Variants in ANKRD45 observed in about 807,000 individuals in gnomAD.
ANKRD45 encodes ankyrin repeat domain-containing protein 45.
Under a neutral mutation model 28.1 loss-of-function variants are expected in ANKRD45, and 21 were observed. The observed-to-expected ratio is 0.75, with a 90% CI of 0.53 to 1.08. The LOEUF is 1.08. Ranked by LOEUF, ANKRD45 falls within the 50% of genes least tolerant of loss-of-function variation. ANKRD45 has a pLI of 0.00. For missense variants in ANKRD45, 261 were observed against 308.7 expected (o/e 0.85, Z 1.16); for synonymous variants, 86 against 103.9 (o/e 0.83, Z 1.05).
chr1:173,673,613 G>A (rs1558153839), upstream of ANKRD45, among the ~76,000 whole-genome samples: 2 of 151,982 alleles, frequency 1.3e-5, no homozygotes, highest in Non-Finnish European at 2.9e-5. Flanking sequence ...AACTCTATAA[G>A]TTGCTATAAG....
At chr1:173,643,163 G>A (rs1437731882) in intron 3 of ANKRD45, among the ~76,000 whole-genome samples, 3 of 148,486 alleles carry the variant, frequency 2.0e-5, no homozygotes, top group African/African-American at 5.1e-5. Context: ...TGTCTTATTT[G>A]CCTGAGAATT....
intron 5 of ANKRD45, among the ~76,000 whole-genome samples, chr1:173,615,299 C>G (rs866123333): frequency 6.6e-6 from 1 of 150,416 alleles, no homozygotes; most frequent in Non-Finnish European, 1.5e-5. Flanking sequence ...GCAGGAGAAT[C>G]GCTTGAACCA....
the ANKRD45 span, among the ~76,000 whole-genome samples, chr1:173,713,633 G>C: frequency 1.6e-4 from 23 of 145,102 alleles, no homozygotes. Context: ...TAAGTTTTTT[G>C]CATGTTTGAC....
chr1:173,667,149 TA>T (rs1670060219), intron 1 of ANKRD45, among the ~76,000 whole-genome samples: 4 of 152,304 alleles, frequency 2.6e-5, no homozygotes, highest in South Asian at 4.1e-4. Context: ...AGTGGGCTTT[TA>T]AAAATATTAC....
At chr1:173,694,949 T>C in the ANKRD45 span, among the ~76,000 whole-genome samples, 1 of 152,214 alleles carries the variant, frequency 6.6e-6, no homozygotes, top group Non-Finnish European at 1.5e-5. Flanking sequence ...TAACTGAACA[T>C]CTGAATTTAA....
the ANKRD45 span, among the ~76,000 whole-genome samples, chr1:173,698,347 C>T: frequency 0.17 from 25,889 of 152,112 alleles, 2,384 homozygotes; most frequent in Middle Eastern, 0.32. Flanking sequence ...GAACTCTCCA[C>T]CCCAAATCAA....
At chr1:173,654,264 C>A (rs1283410701) in intron 2 of ANKRD45, among the ~76,000 whole-genome samples, 1 of 152,068 alleles carries the variant, frequency 6.6e-6, no homozygotes, top group Non-Finnish European at 1.5e-5. Context: ...TTAGTGCTTC[C>A]TTCAGGAGCT....
intron 1 of ANKRD45, 27 bp from the exon 2 acceptor site, chr1:173,659,460 T>C: frequency 2.0e-6 from 3 of 1,491,318 alleles, no homozygotes; most frequent in East Asian, 2.3e-5. Context: ...AAAAAAGTGA[T>C]AAAAATCTAC....
At position 173,662,298 on chromosome 1, in the gene ANKRD45, T is replaced by C. The variant is rs745471340; in HGVS notation, c.-15-2865A>G. 3.9e-5 allele frequency among the ~76,000 whole-genome samples: 6 copies of C among 152,160 alleles called. No individual in the cohort carries two copies. The East Asian group carries it at 7.7e-4, about 20-fold the overall frequency. ...GCTATGGTGAAGTAAAGAAAATAAA[T>C]AGGATAATAGTCGAAAGATCATTGT... On this transcript the variant is annotated intron_variant, in intron 1 of 5. Coordinates refer to ENST00000333279, the MANE Select transcript of ANKRD45 (RefSeq NM_198493.3).
At chr1:173,666,887 G>T (rs1670046058) in intron 1 of ANKRD45, among the ~76,000 whole-genome samples, 1 of 152,112 alleles carries the variant, frequency 6.6e-6, no homozygotes, top group South Asian at 2.1e-4. Context: ...GAGTAGCTGT[G>T]ACTATAGATG....
intron 3 of ANKRD45, among the ~76,000 whole-genome samples, chr1:173,630,006 ATG>A (rs1372048252): frequency 2.0e-5 from 3 of 152,210 alleles, no homozygotes; most frequent in African/African-American, 7.2e-5. Context: ...AGAGAGTGGC[ATG>A]ACATATTTAA....
intron 1 of ANKRD45, among the ~76,000 whole-genome samples, chr1:173,665,472 T>C (rs1669978755): frequency 6.6e-6 from 1 of 152,216 alleles, no homozygotes; most frequent in Non-Finnish European, 1.5e-5. Context: ...GATCCCAGGT[T>C]AATTCAAAGA....
At chr1:173,693,808 T>C in the ANKRD45 span, among the ~76,000 whole-genome samples, 1 of 152,250 alleles carries the variant, frequency 6.6e-6, no homozygotes, top group Non-Finnish European at 1.5e-5. Context: ...TGATTTCTTC[T>C]GATTACTGGT....
chr1:173,677,169 T>C, the ANKRD45 span, among the ~76,000 whole-genome samples: 5 of 151,490 alleles, frequency 3.3e-5, no homozygotes, highest in South Asian at 1.0e-3. Context: ...ACCAAAGTGA[T>C]AACTGAAGGA....
chr1:173,654,615 C>G (rs1023312904), intron 2 of ANKRD45, among the ~76,000 whole-genome samples: 3 of 152,160 alleles, frequency 2.0e-5, no homozygotes, highest in African/African-American at 4.8e-5. Flanking sequence ...GTGGTGTTCT[C>G]TGAATTTCCT....
chr1:173,696,932 GA>G, the ANKRD45 span, among the ~76,000 whole-genome samples: 1 of 152,088 alleles, frequency 6.6e-6, no homozygotes, highest in African/African-American at 2.4e-5. Context: ...AAGATTAGAT[GA>G]ATGGCTAACT....
chr1:173,663,558 T>C (rs186044096), intron 1 of ANKRD45, among the ~76,000 whole-genome samples: 8 of 152,338 alleles, frequency 5.3e-5, no homozygotes, highest in African/African-American at 1.9e-4. Flanking sequence ...CTGATCTTTA[T>C]GGTGGAATAA....
upstream of ANKRD45, among the ~76,000 whole-genome samples, chr1:173,671,897 A>G (rs1338340681): frequency 6.6e-6 from 1 of 151,432 alleles, no homozygotes; most frequent in Non-Finnish European, 1.5e-5. Context: ...AAAAAAAAAA[A>G]GAAACCCTAA....
At chr1:173,670,858 C>T (rs753904017), upstream of ANKRD45, among the ~76,000 whole-genome samples, 24 of 152,202 alleles carry the variant, frequency 1.6e-4, no homozygotes, top group Non-Finnish European at 1.8e-4. Flanking sequence ...GAGAAACACA[C>T]TCACCTGTCC....
Sources: gnomAD v4.1 joint callset for allele counts (sites outside exome capture counted in the v4.1 genomes callset) on GRCh38, gnomAD v4.1.1 for gene constraint, MANE v1.5 for transcripts, NCBI Gene and HGNC (gene_info 2026-07-23, HGNC 2026-07-21) for gene names.